SKIC3: variants seen among roughly 807,000 people sequenced by gnomAD.
SKIC3 encodes the protein superkiller complex protein 3.
At chr5:95,531,082 G>A in the SKIC3 span, among the ~76,000 whole-genome samples, 3 of 151,786 alleles carry the variant, frequency 2.0e-5, no homozygotes, top group African/African-American at 7.3e-5. Context: ...AAAAAGACCC[G>A]ATGCTTTAAT....
the SKIC3 span, among the ~76,000 whole-genome samples, chr5:95,517,508 G>A: frequency 6.6e-6 from 1 of 152,132 alleles, no homozygotes; most frequent in Non-Finnish European, 1.5e-5. Flanking sequence ...GAAGGAGGAA[G>A]GGATTACTTT....
the SKIC3 span, among the ~76,000 whole-genome samples, chr5:95,498,979 G>A: frequency 6.6e-6 from 1 of 152,024 alleles, no homozygotes; most frequent in Non-Finnish European, 1.5e-5. Flanking sequence ...AGTATAACAA[G>A]CAATTTACGT....
chr5:95,543,820 G>A, the SKIC3 span, among the ~76,000 whole-genome samples: 3 of 152,118 alleles, frequency 2.0e-5, no homozygotes, highest in African/African-American at 4.8e-5. Context: ...TACCAAATAT[G>A]TTCAAAATAA....
the SKIC3 span, chr5:95,536,576 A>G: frequency 2.2e-6 from 1 of 449,524 alleles, no homozygotes; most frequent in Non-Finnish European, 3.9e-6. Flanking sequence ...TTCCACCATT[A>G]AAAAGATTTC....
chr5:95,511,369 C>T, the SKIC3 span, among the ~76,000 whole-genome samples: 42 of 152,280 alleles, frequency 2.8e-4, no homozygotes, highest in Non-Finnish European at 4.3e-4. Flanking sequence ...GCCGAGATTG[C>T]GCCACTGCAC....
At chr5:95,490,502 A>ATTTT in the SKIC3 span, among the ~76,000 whole-genome samples, 293 of 137,580 alleles carry the variant, frequency 2.1e-3, 2 homozygotes, top group African/African-American at 7.7e-3. Context: ...ATATATATAT[A>ATTTT]TATTTTTTTT....
chr5:95,509,630 A>G, the SKIC3 span: 1 of 1,613,880 alleles, frequency 6.2e-7, no homozygotes, highest in Non-Finnish European at 8.5e-7. Context: ...TTTCAGTTGT[A>G]GATGTTCGTT....
chr5:95,537,184 G>T, the SKIC3 span: 1 of 1,501,014 alleles, frequency 6.7e-7, no homozygotes, highest in South Asian at 1.1e-5. Context: ...ATACTTAAAT[G>T]ACAAATGATT....
chr5:95,498,447 G>T, the SKIC3 span: 8 of 1,614,120 alleles, frequency 5.0e-6, no homozygotes, highest in Non-Finnish European at 6.8e-6. Flanking sequence ...ATGTAAGAAG[G>T]CACCTCTGAT....
At chr5:95,540,651 A>C in the SKIC3 span, 27 of 1,611,788 alleles carry the variant, frequency 1.7e-5, no homozygotes, top group Non-Finnish European at 2.3e-5. Context: ...TAAATGATCA[A>C]TTTTCATGAA....
the SKIC3 span, among the ~76,000 whole-genome samples, chr5:95,470,358 T>C: frequency 6.6e-6 from 1 of 152,122 alleles, no homozygotes; most frequent in Non-Finnish European, 1.5e-5. Context: ...TACAAAGAGA[T>C]TTAAGATCTG....
chr5:95,493,261 T>C, the SKIC3 span, among the ~76,000 whole-genome samples: 1 of 152,320 alleles, frequency 6.6e-6, no homozygotes, highest in South Asian at 2.1e-4. Flanking sequence ...GCACTCATCT[T>C]TGCCACTCAG....
At chr5:95,528,830 C>G in the SKIC3 span, 3 of 637,228 alleles carry the variant, frequency 4.7e-6, no homozygotes, top group Admixed American at 2.8e-5. Flanking sequence ...AATAAACACA[C>G]TAGTACACAT....
chr5:95,526,607 G>A, the SKIC3 span, among the ~76,000 whole-genome samples: 18 of 152,008 alleles, frequency 1.2e-4, no homozygotes, highest in African/African-American at 3.9e-4. Context: ...CCAAGTAGCT[G>A]GGATTACAGG....
At chr5:95,476,687 T>G in the SKIC3 span, among the ~76,000 whole-genome samples, 1 of 152,142 alleles carries the variant, frequency 6.6e-6, no homozygotes, top group African/African-American at 2.4e-5. Context: ...TTAAACAGTT[T>G]AACTGGCTGA....
At chr5:95,517,427 A>G in the SKIC3 span, 11 of 1,277,228 alleles carry the variant, frequency 8.6e-6, no homozygotes, top group African/African-American at 1.5e-4. Flanking sequence ...TAAGTACTTT[A>G]CTAGTCTCCT....
the SKIC3 span, chr5:95,503,704 TA>T: frequency 6.6e-7 from 1 of 1,512,952 alleles, no homozygotes; most frequent in Non-Finnish European, 9.1e-7. Flanking sequence ...CAGATTTTAA[TA>T]AACATTGCAA....
At chr5:95,512,607 T>A in the SKIC3 span, 1 of 1,614,016 alleles carries the variant, frequency 6.2e-7, no homozygotes, top group East Asian at 2.2e-5. Context: ...CATAACCTAA[T>A]GCTCCTTCAG....
At chr5:95,521,462 C>G in the SKIC3 span, 1 of 151,890 alleles carries the variant, frequency 6.6e-6, no homozygotes, top group South Asian at 2.1e-4. Flanking sequence ...ATTCATAAAG[C>G]ATTCCTTAAG....
Sources: gnomAD v4.1 joint callset for allele counts (sites outside exome capture counted in the v4.1 genomes callset) on GRCh38, gnomAD v4.1.1 for gene constraint, MANE v1.5 for transcripts, NCBI Gene and HGNC (gene_info 2026-07-23, HGNC 2026-07-21) for gene names.